EPHA8: variants seen among roughly 807,000 people sequenced by gnomAD.
EPHA8 encodes the protein ephrin type-A receptor 8.
A neutral mutation model predicts 103.6 loss-of-function variants in EPHA8; 58 were observed. The ratio of observed to expected loss-of-function variants is 0.56; its 90% CI spans 0.45 to 0.70. The LOEUF (loss-of-function observed/expected upper bound fraction) is 0.70. Ranked by LOEUF, EPHA8 falls within the 30% of genes least tolerant of loss-of-function variation. The pLI is 0.00. For synonymous variants in EPHA8, 559 were observed against 572.5 expected, an observed-to-expected ratio of 0.98 and a Z score of 0.34; for missense variants, 1,304 against 1,395.2, an observed-to-expected ratio of 0.93 and a Z score of 1.04.
intron 5 of EPHA8, among the ~76,000 whole-genome samples, chr1:22,593,114 A>G (rs1641416195): frequency 1.3e-5 from 2 of 152,166 alleles, no homozygotes; most frequent in South Asian, 4.1e-4. Context: ...AGACCATGCC[A>G]GGCCACGCCA....
intron 7 of EPHA8, among the ~76,000 whole-genome samples, chr1:22,594,531 A>G (rs1374540910): frequency 1.3e-5 from 2 of 152,200 alleles, no homozygotes; most frequent in African/African-American, 4.8e-5. Context: ...AGGCACTGTC[A>G]CATTTGGGAC....
chr1:22,601,401 TGGG>T lies in EPHA8; in HGVS notation c.2832_2834del (p.Met944_Gly945delinsIle). 6.2e-7 allele frequency: 1 copy of T among 1,611,336 alleles called. No homozygotes were observed. Among genetic ancestry groups the T allele is most frequent in the East Asian group, 2.2e-5 (1 of 44,840 alleles). On this transcript the variant is annotated inframe_deletion, in exon 16 of 17. Transcript: ENST00000166244. ...GGGGACTGGCTGGACTCCATCCGCATGGGCCGGTACCGAGACCACTTCGCTGCG... is the reference window on the plus strand; with the variant it reads ...GGGGACTGGCTGGACTCCATCCGCATCCGGTACCGAGACCACTTCGCTGCG...
intron 3 of EPHA8, among the ~76,000 whole-genome samples, chr1:22,578,717 A>G (rs556431128): frequency 6.8e-6 from 1 of 147,322 alleles, no homozygotes; most frequent in East Asian, 2.0e-4. Flanking sequence ...ATGTATATGC[A>G]TGTGTGCATA....
intron 3 of EPHA8, among the ~76,000 whole-genome samples, chr1:22,580,740 GT>G (rs1465186081): frequency 6.6e-6 from 1 of 152,242 alleles, no homozygotes; most frequent in African/African-American, 2.4e-5. Context: ...AGCAAGGCAG[GT>G]ATCACAATTC....
At chr1:22,585,055 A>ACGCGCGCGTGCG (rs60309208) in intron 3 of EPHA8, among the ~76,000 whole-genome samples, 2 of 143,310 alleles carry the variant, frequency 1.4e-5, no homozygotes, top group African/African-American at 5.4e-5. Context: ...GTGTGTGCGC[A>ACGCGCGCGTGCG]CGCGTGTGTC....
intron 2 of EPHA8, among the ~76,000 whole-genome samples, chr1:22,574,510 TTC>T (rs1640630798): frequency 6.6e-6 from 1 of 152,186 alleles, no homozygotes; most frequent in Non-Finnish European, 1.5e-5. Context: ...GCATTCTACT[TTC>T]TGTCTCTCTA....
intron 4 of EPHA8, 71 bp downstream of exon 4, chr1:22,586,706 A>G (rs920964917): frequency 6.4e-7 from 1 of 1,561,732 alleles, no homozygotes; most frequent in Non-Finnish European, 8.7e-7. Flanking sequence ...TTGGTCCTCC[A>G]GGCCTCAGAG....
intron 3 of EPHA8, among the ~76,000 whole-genome samples, chr1:22,578,623 GTGTGTGCA>G (rs1378466451): frequency 1.4e-5 from 2 of 143,886 alleles, no homozygotes; most frequent in Admixed American, 7.0e-5. Context: ...GTATGTCTGC[GTGTGTGCA>G]TGTGTGTATG....
At chr1:22,580,973 C>T (rs773677954) in intron 3 of EPHA8, among the ~76,000 whole-genome samples, 5 of 152,226 alleles carry the variant, frequency 3.3e-5, no homozygotes, top group Non-Finnish European at 5.9e-5. Flanking sequence ...GATGATTTTT[C>T]GTCTTTGATG....
chr1:22,578,402 GTGTA>G (rs1363550997), intron 3 of EPHA8, among the ~76,000 whole-genome samples: 5 of 140,898 alleles, frequency 3.5e-5, no homozygotes, highest in Admixed American at 7.1e-5. Context: ...GTCTGCATGA[GTGTA>G]TGCATGTCTG....
At position 22,589,354 on chromosome 1, in the gene EPHA8, A is replaced by G. The variant is rs1641314652; in HGVS notation, c.1315+148A>G. ...CCCTGCGCTCCTCACCAGGACCCAGAGCTGGAGGCTCTTCATTGCCTTTAG... is the reference window on the plus strand; with the variant it reads ...CCCTGCGCTCCTCACCAGGACCCAGGGCTGGAGGCTCTTCATTGCCTTTAG... On this transcript the variant is annotated intron_variant, in intron 5 of 16. Coordinates refer to ENST00000166244, the MANE Select transcript of EPHA8 (RefSeq NM_020526.5). The surrounding 1 kb of genome is among the most constrained non-coding windows in gnomAD (Gnocchi z 4.3). The G allele has an allele frequency of 2.5e-6, 4 of 1,575,884 alleles. No individual in the cohort carries two copies. In the East Asian group the frequency reaches 6.8e-5, roughly 27 times the overall value.
At chr1:22,564,291 G>C (rs1328941499) in intron 1 of EPHA8, among the ~76,000 whole-genome samples, 2 of 151,374 alleles carry the variant, frequency 1.3e-5, no homozygotes, top group African/African-American at 4.9e-5. Context: ...GGAAGGAGGG[G>C]TGCGGAATGA....
chr1:22,602,810 C>CGTCCCAGGTT lies in EPHA8; in HGVS notation c.*1071_*1080dup, dbSNP rs1331887753. The CGTCCCAGGTT allele has an allele frequency of 6.6e-6, 1 of 152,396 alleles. No individual in the cohort carries two copies. Among genetic ancestry groups the CGTCCCAGGTT allele is most frequent in the Non-Finnish European group, 1.5e-5 (1 of 68,054 alleles). 9.4% of individuals were successfully genotyped at this position (152,396 alleles called of 1,614,324 possible). A position where few individuals can be genotyped will look rare whatever the true frequency, so the allele number is the denominator to read the frequency against. On this transcript the variant is annotated 3_prime_UTR_variant, in exon 17 of 17. Coordinates refer to ENST00000166244, the MANE Select transcript of EPHA8 (RefSeq NM_020526.5). The stretch of plus-strand genomic sequence containing the variant: ...AGGCCTGGAGAGAGGGGTGATGCCC[C>CGTCCCAGGTT]GTCCCAGGTTGCACTGCAACCAAGT...
chr1:22,601,127 C>T (rs1475755156), intron 15 of EPHA8, 39 bp downstream of exon 15: 1 of 1,576,100 alleles, frequency 6.3e-7, no homozygotes, highest in Non-Finnish European at 8.6e-7. Context: ...GGCCCAGCTG[C>T]CTCCCAGTAT....
rs1355264181 is a variant in EPHA8, at chr1:22,595,419, C to T, written c.1697+96C>T. 6.3e-6 allele frequency: 6 copies of T among 949,274 alleles called. No individual in the cohort carries two copies. The Admixed American group carries it at 8.9e-5, about 14-fold the overall frequency. 58.8% of individuals were successfully genotyped at this position (949,274 alleles called of 1,614,324 possible). On this transcript the variant is annotated intron_variant, in intron 8 of 16. Coordinates refer to ENST00000166244, the MANE Select transcript of EPHA8 (RefSeq NM_020526.5). ...CACCGAGCCGGTGGTCCCCGTGTGC[C>T]TGGGGCTGGCTCACTTACAAACACA...
intron 4 of EPHA8, 138 bp from the exon 5 acceptor site, chr1:22,588,733 G>C: frequency 6.9e-7 from 1 of 1,451,008 alleles, no homozygotes; most frequent in Non-Finnish European, 9.1e-7. Flanking sequence ...AGAGGATGGA[G>C]TAGATGTGGA....
rs746841294 is a variant in EPHA8 at position 22,593,415 on chromosome 1, A to G, written c.1405A>G (p.Ile469Val). The change falls in exon 6 of 17, where the codon ATC becomes GTC. Residue 469 changes from isoleucine (I) to valine (V), a missense_variant. By Grantham distance (29) the Ile-to-Val change is conservative. Transcript: ENST00000166244. ...LWQEPEQPNG[I>V]ILEYEIKYYE... is the part of the protein sequence containing the mutation. ...GCAGGAGCCCGAGCAGCCGAACGGC[A>G]TCATCCTGGAGTATGAGATCAAGTA... is the stretch of plus-strand genomic sequence containing the variant. 1.2e-6 allele frequency: 2 copies of G among 1,603,942 alleles called. No homozygotes were observed. The highest frequency in any genetic ancestry group is 1.7e-6 in the Non-Finnish European group (2 of 1,176,176).
At position 22,602,016 on chromosome 1, in the gene EPHA8, AACAGGGACATC is replaced by A. The variant is rs1479339624; in HGVS notation, c.*278_*288del. ...CTGGGGCCTCCACGTCACAGAGTCCAACAGGGACATCACTCGCCTGCCTCTGTGTGCGTGCA... is the reference window on the plus strand; with the variant it reads ...CTGGGGCCTCCACGTCACAGAGTCCAACTCGCCTGCCTCTGTGTGCGTGCA... On this transcript the variant is annotated 3_prime_UTR_variant, in exon 17 of 17. Coordinates refer to ENST00000166244, the MANE Select transcript of EPHA8 (RefSeq NM_020526.5). 4 of 550,660 alleles carry A rather than the reference AACAGGGACATC, an allele frequency of 7.3e-6. No individual in the cohort carries two copies. The African/African-American group carries it at 7.9e-5, about 11-fold the overall frequency. 34.1% of individuals were successfully genotyped at this position (550,660 alleles called of 1,614,324 possible).
rs1641587430 is a variant in EPHA8, at chr1:22,598,572, C to A, written c.2179-266C>A. On this transcript the variant is annotated intron_variant, in intron 12 of 16. Transcript: ENST00000166244. This position sits in a 1 kb window ranked among gnomAD's most constrained non-coding sequence, Gnocchi z 5.1. ...TTGCTGGGTGCTCTTAGGCACAGAG[C>A]TTAACCTCTCTGGGCCTCCATCTCT... Among the ~76,000 whole-genome samples, 1 of 152,150 alleles carries A rather than the reference C, an allele frequency of 6.6e-6. No homozygotes were observed. Among genetic ancestry groups the A allele is most frequent in the Admixed American group, 6.5e-5 (1 of 15,286 alleles).
Sources: gnomAD v4.1 joint callset for allele counts (sites outside exome capture counted in the v4.1 genomes callset) on GRCh38, gnomAD v4.1.1 for gene constraint, Gnocchi (gnomAD v3.1) non-coding constraint, MANE v1.5 for transcripts, NCBI Gene and HGNC (gene_info 2026-07-23, HGNC 2026-07-21) for gene names.